The following CACNA1D variants were observed in gnomAD, a reference collection of about 807,000 sequenced individuals.
CACNA1D encodes the protein voltage-dependent L-type calcium channel subunit alpha-1D.
A neutral mutation model predicts 257.1 loss-of-function variants in CACNA1D; 55 were observed. That is an observed-to-expected ratio of 0.21 (90% CI 0.17 to 0.27). The LOEUF (loss-of-function observed/expected upper bound fraction) is 0.27, where lower values mean the gene tolerates loss of function less well. Among genes scored for constraint, CACNA1D ranks in the 10% least tolerant of loss-of-function variants. The pLI is 1.00. For missense variants in CACNA1D, 1,876 were observed against 2,784.0 expected (o/e 0.67, Z 7.34); for synonymous variants, 980 against 1,014.9 (o/e 0.97, Z 0.65).
intron 3 of CACNA1D, among the ~76,000 whole-genome samples, chr3:53,585,030 C>CTTTT (rs35767566): frequency 7.1e-6 from 1 of 140,720 alleles, no homozygotes. Context: ...GTTCTTTTGT[C>CTTTT]TTTTTTTTTT....
chr3:53,689,839 T>C (rs2094504031), intron 8 of CACNA1D, among the ~76,000 whole-genome samples: 2 of 152,034 alleles, frequency 1.3e-5, no homozygotes, highest in African/African-American at 4.8e-5. Context: ...TAAAACTATT[T>C]TTTGTAGAAA....
chr3:53,560,650 A>ACCAC (rs2092720795), intron 3 of CACNA1D, among the ~76,000 whole-genome samples: 2 of 152,252 alleles, frequency 1.3e-5, no homozygotes, highest in African/African-American at 4.8e-5. Context: ...TGTAAAAGCA[A>ACCAC]CCACGAACAA....
intron 40 of CACNA1D, among the ~76,000 whole-genome samples, chr3:53,798,317 G>GTT (rs1559706561): frequency 6.7e-6 from 1 of 148,330 alleles, no homozygotes; most frequent in Non-Finnish European, 1.5e-5. Flanking sequence ...GCGTGTGTGT[G>GTT]TGTGTGTGTG....
chr3:53,767,192 C>A (rs1269256809), intron 30 of CACNA1D, among the ~76,000 whole-genome samples: 1 of 152,144 alleles, frequency 6.6e-6, no homozygotes, highest in Non-Finnish European at 1.5e-5. Flanking sequence ...GTTAACTACT[C>A]GGGCCAGCTT....
At chr3:53,749,758 A>G (rs898419) in intron 27 of CACNA1D, among the ~76,000 whole-genome samples, 3 of 151,746 alleles carry the variant, frequency 2.0e-5, no homozygotes, top group African/African-American at 7.3e-5. Context: ...CTAGTGATGT[A>G]TCAGAATCTT....
chr3:53,584,604 A>C (rs550452641), intron 3 of CACNA1D, among the ~76,000 whole-genome samples: 1 of 152,338 alleles, frequency 6.6e-6, no homozygotes, highest in East Asian at 1.9e-4. Context: ...GCCTGCTCTC[A>C]GGGAGCTCAC....
In CACNA1D at chr3:53,771,141, G is replaced by A. The variant is rs545360664; in HGVS notation, c.4044+589G>A. On this transcript the variant is annotated intron_variant, in intron 32 of 47. Transcript: ENST00000350061. ...TTCCCAAGTAGAACCAGCTTTTCCCGTACCTGCCAGTACCCTGCCCCAGAC... is the reference window on the plus strand; with the variant it reads ...TTCCCAAGTAGAACCAGCTTTTCCCATACCTGCCAGTACCCTGCCCCAGAC... Among the ~76,000 whole-genome samples the A allele has an allele frequency of 8.7e-4, 132 of 152,186 alleles. 1 individual carries two copies. Among genetic ancestry groups the A allele is most frequent in the Non-Finnish European group, 1.3e-3 (91 of 68,008 alleles).
intron 29 of CACNA1D, among the ~76,000 whole-genome samples, chr3:53,754,784 G>A (rs1227193355): frequency 6.6e-6 from 1 of 152,216 alleles, no homozygotes; most frequent in African/African-American, 2.4e-5. Flanking sequence ...GGTATCTGAC[G>A]ACACTGATTT....
At chr3:53,666,264 G>C in intron 6 of CACNA1D, 75 bp from the exon 7 acceptor site, 1 of 1,412,022 alleles carries the variant, frequency 7.1e-7, no homozygotes, top group Admixed American at 1.7e-5. Context: ...TCTGGCAAGG[G>C]TTCTCACCTT....
chr3:53,767,290 C>T (rs189937525), intron 30 of CACNA1D, among the ~76,000 whole-genome samples: 34 of 152,244 alleles, frequency 2.2e-4, no homozygotes, highest in Admixed American at 2.0e-3. Context: ...GGAGGTCTGG[C>T]GCAGTGGCTC....
chr3:53,540,221 C>T (rs573024033), intron 3 of CACNA1D, among the ~76,000 whole-genome samples: 93 of 152,052 alleles, frequency 6.1e-4, no homozygotes, highest in Non-Finnish European at 1.0e-3. Context: ...CAGGTTCAAG[C>T]GATTCTCCTG....
Position 53,751,869 on chromosome 3 carries a change from G to A in CACNA1D, c.3637G>A (p.Val1213Ile), listed in dbSNP as rs1205208513. The A allele has an allele frequency of 6.2e-7, 1 of 1,613,868 alleles. No homozygotes were observed. The highest frequency in any genetic ancestry group is 8.5e-7 in the Non-Finnish European group (1 of 1,179,946). Residue 1213 changes from valine (V) to isoleucine (I), a missense_variant, in exon 28 of 48, where the codon GTC becomes ATC. This residue lies in a region of CACNA1D where 204 missense variants were observed against 309.4 expected (regional missense o/e 0.66). Coordinates refer to ENST00000350061, the MANE Select transcript of CACNA1D (RefSeq NM_001128840.3). The surrounding 1 kb of genome is among the most constrained non-coding windows in gnomAD (Gnocchi z 4.3). ...TTCGCCTTTCGAATACATGATGTTT[G>A]TCCTCATCATGCTCAACACACTCTG... ...NSSPFEYMMF[V>I]LIMLNTLCLA...
chr3:53,723,351 A>T lies in CACNA1D; in HGVS notation c.1667-83A>T. ...ATTGGCGTATTTCCTGTGGGGCCTG[A>T]TAGGGAGGGAGGTGTGAGGGGCACG... On this transcript the variant is annotated intron_variant, in intron 12 of 47. Transcript: ENST00000350061. This position sits in a 1 kb window ranked among gnomAD's most constrained non-coding sequence, Gnocchi z 5.6. 1 of 944,676 alleles carries T rather than the reference A, an allele frequency of 1.1e-6. No homozygotes were observed. The highest frequency in any genetic ancestry group is 1.8e-6 in the Non-Finnish European group (1 of 570,598). The allele number at this position is 944,676 out of a possible 1,614,324, so 58.5% of individuals were successfully genotyped here. A position where few individuals can be genotyped will look rare whatever the true frequency, so the allele number is the denominator to read the frequency against.
chr3:53,630,271 A>G (rs36104933), intron 3 of CACNA1D, among the ~76,000 whole-genome samples: 2 of 152,226 alleles, frequency 1.3e-5, no homozygotes, highest in African/African-American at 4.8e-5. Context: ...CTCTTATGTA[A>G]CAATAGAACA....
At chr3:53,633,718 A>G (rs1201421624) in intron 3 of CACNA1D, among the ~76,000 whole-genome samples, 1 of 152,082 alleles carries the variant, frequency 6.6e-6, no homozygotes, top group Admixed American at 6.5e-5. Flanking sequence ...GAACCCACCT[A>G]TTTGCCCTTT....
intron 9 of CACNA1D, chr3:53,710,513 A>G (rs1265014311): frequency 4.4e-6 from 2 of 456,434 alleles, no homozygotes; most frequent in East Asian, 6.9e-5. Flanking sequence ...TTTTTCCGCA[A>G]CATCTCTGAT....
chr3:53,509,027 C>T (rs1006509109), intron 3 of CACNA1D, among the ~76,000 whole-genome samples: 6 of 152,216 alleles, frequency 3.9e-5, no homozygotes, highest in Non-Finnish European at 7.3e-5. Flanking sequence ...CCCCACCATG[C>T]AGCTACAGGA....
intron 3 of CACNA1D, among the ~76,000 whole-genome samples, chr3:53,555,437 G>GTGT (rs2092620730): frequency 1.1e-4 from 14 of 122,908 alleles, no homozygotes; most frequent in African/African-American, 4.8e-4. Context: ...TTTTCTGGTG[G>GTGT]GTGTGTGTGT....
chr3:53,666,581 T>A (rs1407237918), intron 7 of CACNA1D, 46 bp downstream of exon 7: 1 of 1,539,070 alleles, frequency 6.5e-7, no homozygotes, highest in South Asian at 1.1e-5. Flanking sequence ...TTTGCTTGGA[T>A]AAGTGGGTTT....
Sources: gnomAD v4.1 joint callset for allele counts (sites outside exome capture counted in the v4.1 genomes callset) on GRCh38, gnomAD v4.1.1 for gene constraint, gnomAD v4.1.1 regional missense constraint, Gnocchi (gnomAD v3.1) non-coding constraint, MANE v1.5 for transcripts, NCBI Gene and HGNC (gene_info 2026-07-23, HGNC 2026-07-21) for gene names.